The following ACSL5 variants were observed in gnomAD, a reference collection of about 807,000 sequenced individuals.
The protein encoded by ACSL5 is long-chain-fatty-acid--CoA ligase 5.
A neutral mutation model predicts 84.9 loss-of-function variants in ACSL5; 50 were observed. That is an observed-to-expected ratio of 0.59 (90% CI 0.47 to 0.75). ACSL5 has a LOEUF of 0.75. Among genes scored for constraint, ACSL5 ranks in the 30% least tolerant of loss-of-function variants. The probability of loss-of-function intolerance (pLI) is 0.00; values close to 1 mark genes in which losing one functional copy is unlikely to be tolerated. For synonymous variants in ACSL5, 280 were observed against 300.7 expected, an observed-to-expected ratio of 0.93 and a Z score of 0.71; for missense variants, 775 against 830.4, an observed-to-expected ratio of 0.93 and a Z score of 0.82.
At chr10:112,411,713 C>T (rs150429999) in intron 10 of ACSL5, among the ~76,000 whole-genome samples, 184 bp downstream of exon 10, 111 of 152,072 alleles carry the variant, frequency 7.3e-4, no homozygotes, top group African/African-American at 2.6e-3. Context: ...CATTTTCAAG[C>T]GTTGGTCTTT....
intron 1 of ACSL5, among the ~76,000 whole-genome samples, chr10:112,391,574 T>C (rs1843640265): frequency 1.3e-5 from 2 of 152,182 alleles, no homozygotes; most frequent in African/African-American, 4.8e-5. Flanking sequence ...GGCTTTGAAA[T>C]GTGTAAATAT....
intron 10 of ACSL5, 92 bp downstream of exon 10, chr10:112,411,621 CACACAT>C: frequency 1.1e-5 from 12 of 1,067,416 alleles, no homozygotes; most frequent in African/African-American, 1.6e-5. Context: ...GACACACACA[CACACAT>C]ACACACACAC....
At chr10:112,409,792 ACG>A in intron 7 of ACSL5, 107 bp downstream of exon 7, 1 of 1,131,262 alleles carries the variant, frequency 8.8e-7, no homozygotes, top group Non-Finnish European at 1.3e-6. Flanking sequence ...CAGGGGTGGC[ACG>A]TGAGGAGTAG....
At chr10:112,409,709 C>T in intron 7 of ACSL5, 24 bp downstream of exon 7, 1 of 1,610,598 alleles carries the variant, frequency 6.2e-7, no homozygotes, top group African/African-American at 1.3e-5. Context: ...ATTTAGCTTG[C>T]AGCTCCAATG....
chr10:112,426,970 GT>G, intron 20 of ACSL5, 111 bp downstream of exon 20: 1 of 1,079,860 alleles, frequency 9.3e-7, no homozygotes, highest in South Asian at 1.4e-5. Context: ...TTTAGATTTT[GT>G]GCCATTAACT....
At chr10:112,415,298 C>T (rs949352257) in intron 12 of ACSL5, among the ~76,000 whole-genome samples, 4 of 152,156 alleles carry the variant, frequency 2.6e-5, no homozygotes, top group Non-Finnish European at 5.9e-5. Flanking sequence ...CTCCCGGGTT[C>T]GTGCCATTCT....
At chr10:112,422,072 T>G (rs761935327) in intron 16 of ACSL5, 37 bp downstream of exon 16, 1 of 1,602,006 alleles carries the variant, frequency 6.2e-7, no homozygotes, top group South Asian at 1.1e-5. Context: ...ACAGTCATGG[T>G]GGGGAGGTTT....
intron 6 of ACSL5, chr10:112,408,982 G>A (rs560097014): frequency 2.4e-4 from 39 of 165,846 alleles, no homozygotes; most frequent in African/African-American, 9.1e-4. Context: ...TGATGGGCAA[G>A]TAACAGCCCT....
chr10:112,404,764 A>T lies in ACSL5; in HGVS notation c.390A>T (p.Ser130=), dbSNP rs1373302362. 1.9e-6 allele frequency: 3 copies of T among 1,614,012 alleles called. No homozygotes were observed. In the Admixed American group the frequency reaches 5.0e-5, roughly 27 times the overall value. ...TCTTGCATAAAGGTTATAAATCATC[A>T]CCAGACCAGTTTGTCGGCATCTTTG... is the stretch of plus-strand genomic sequence containing the variant. ...SCLLHKGYKS[S]PDQFVGIFAQ... is the part of the protein sequence containing the mutation. Residue 130 remains serine (S), a synonymous_variant, in exon 5 of 21, where the codon TCA becomes TCT. Transcript: ENST00000354655.
At chr10:112,424,278 G>A (rs1056720249) in intron 17 of ACSL5, 1 of 152,228 alleles carries the variant, frequency 6.6e-6, no homozygotes, top group Non-Finnish European at 1.5e-5. Context: ...TTTCCCAAAA[G>A]ATCTTCCCTC....
chr10:112,410,427 C>T (rs749119715), intron 7 of ACSL5, 36 bp from the exon 8 acceptor site: 2 of 1,613,362 alleles, frequency 1.2e-6, no homozygotes, highest in African/African-American at 2.7e-5. Context: ...TCCATCTCAA[C>T]TAATGTCTTT....
intron 1 of ACSL5, among the ~76,000 whole-genome samples, chr10:112,388,933 A>G (rs1294648925): frequency 6.6e-6 from 1 of 152,190 alleles, no homozygotes; most frequent in Non-Finnish European, 1.5e-5. Context: ...ACAGACTTCG[A>G]ATAGGGTTTG....
rs147148756 is a variant in ACSL5 at position 112,414,653 on chromosome 10, C to T, written c.1083+1346C>T. ...TCTTTCTTCTTGATCTTCTAACTGC[C>T]CCATCGTGGCAGTTGGGAAACCTCA... On this transcript the variant is annotated intron_variant, in intron 12 of 20. Transcript: ENST00000354655. Among the ~76,000 whole-genome samples, 376 of 152,154 alleles carry T rather than the reference C, an allele frequency of 2.5e-3. 1 individual carries two copies. The highest frequency in any genetic ancestry group is 0.018 in the Admixed American group (281 of 15,262).
At chr10:112,400,932 C>A (rs989490679) in intron 3 of ACSL5, among the ~76,000 whole-genome samples, 2 of 152,126 alleles carry the variant, frequency 1.3e-5, no homozygotes, top group African/African-American at 4.8e-5. Flanking sequence ...AGCCATTTAG[C>A]AAGTGATATG....
chr10:112,411,398 C>T, intron 9 of ACSL5, 58 bp from the exon 10 acceptor site: 3 of 1,453,456 alleles, frequency 2.1e-6, no homozygotes, highest in Non-Finnish European at 2.9e-6. Flanking sequence ...CTTTCAAGGC[C>T]AAAGGCTACC....
intron 3 of ACSL5, among the ~76,000 whole-genome samples, chr10:112,401,839 T>TCTTCCTTC (rs59769866): frequency 2.1e-4 from 19 of 92,004 alleles, no homozygotes; most frequent in Non-Finnish European, 3.0e-4. Context: ...TTTCTTTCTT[T>TCTTCCTTC]CTTCCTTCCT....
At chr10:112,390,851 T>C (rs1849546920) in intron 1 of ACSL5, among the ~76,000 whole-genome samples, 1 of 152,110 alleles carries the variant, frequency 6.6e-6, no homozygotes, top group South Asian at 2.1e-4. Context: ...ATATGAAATA[T>C]TTAGAATAGA....
chr10:112,405,040 CAT>C (rs1044601639), intron 5 of ACSL5, among the ~76,000 whole-genome samples: 1 of 152,182 alleles, frequency 6.6e-6, no homozygotes, highest in African/African-American at 2.4e-5. Flanking sequence ...CTCAGCCTAT[CAT>C]GTGTTTTTTG....
intron 17 of ACSL5, among the ~76,000 whole-genome samples, chr10:112,423,044 T>C (rs1366275647): frequency 7.0e-6 from 1 of 142,596 alleles, no homozygotes; most frequent in Non-Finnish European, 1.5e-5. Flanking sequence ...AAAAATTAGC[T>C]GGGCGTGGTG....
Sources: allele counts gnomAD v4.1 joint callset (sites outside exome capture counted in the v4.1 genomes callset), GRCh38; gene constraint gnomAD v4.1.1; transcripts MANE v1.5; gene names NCBI Gene and HGNC (gene_info 2026-07-23, HGNC 2026-07-21).